Variants in KCNK5 observed in about 807,000 individuals in gnomAD.
KCNK5 encodes potassium channel subfamily K member 5.
A neutral mutation model predicts 32.9 loss-of-function variants in KCNK5; 18 were observed. The observed-to-expected ratio is 0.55, with a 90% CI of 0.38 to 0.81. The LOEUF is 0.81. Among genes scored for constraint, KCNK5 ranks in the 30% least tolerant of loss-of-function variants. The pLI is 0.00. For synonymous variants in KCNK5, 276 were observed against 275.3 expected (o/e 1.00, Z -0.03); for missense variants, 507 against 651.0 (o/e 0.78, Z 2.41).
At position 39,194,704 on chromosome 6, in the gene KCNK5, C is replaced by G; in HGVS notation, c.355G>C (p.Gly119Arg). 1 of 1,614,090 alleles carries G rather than the reference C, an allele frequency of 6.2e-7. No homozygotes were observed. Among genetic ancestry groups the G allele is most frequent in the Non-Finnish European group, 8.5e-7 (1 of 1,180,028 alleles). ...AGGCAGAGCGGCACCCCGAAGAGAC[C>G]ATAGAAAACACAGAAGAGGCGACCG... is the stretch of plus-strand genomic sequence containing the variant. ...PAGRLFCVFY[G>R]LFGVPLCLTW... Residue 119 changes from glycine (G) to arginine (R), a missense_variant, in exon 3 of 5, where the codon GGT (glycine) becomes CGT (arginine). By Grantham distance (125) the Gly-to-Arg change is moderately radical (BLOSUM62 -2). This residue lies in a region of KCNK5 where 143 missense variants were observed against 219.1 expected (regional missense o/e 0.65). Transcript: ENST00000359534. The surrounding 1 kb of genome is among the most constrained non-coding windows in gnomAD (Gnocchi z 4.7).
rs576004091 is a variant in KCNK5, at chr6:39,202,113, C to G, written c.187-6126G>C. Reference sequence around the variant, plus strand: ...TGTTTTGTTTTTCACTGATGTATTCCCCAAACTTAGAACACTGCCTAGCAC... The same window carrying G: ...TGTTTTGTTTTTCACTGATGTATTCGCCAAACTTAGAACACTGCCTAGCAC... On this transcript the variant is annotated intron_variant, in intron 1 of 4. Transcript: ENST00000359534. 1.7e-3 allele frequency among the ~76,000 whole-genome samples: 262 copies of G among 152,208 alleles called. 1 individual carries two copies. The highest frequency in any genetic ancestry group is 3.3e-3 in the Non-Finnish European group (222 of 68,012).
At chr6:39,227,988 C>A (rs1240864852) in intron 1 of KCNK5, among the ~76,000 whole-genome samples, 1 of 152,044 alleles carries the variant, frequency 6.6e-6, no homozygotes, top group Non-Finnish European at 1.5e-5. Flanking sequence ...GGGAGCAGGC[C>A]AAGAAGAGTT....
chr6:39,194,851 T>C lies in KCNK5; in HGVS notation c.299-91A>G. On this transcript the variant is annotated intron_variant, in intron 2 of 4. Transcript: ENST00000359534. The surrounding 1 kb of genome is among the most constrained non-coding windows in gnomAD (Gnocchi z 4.7). ...CACACACACAGCCCGTTCTCTAAGATAAATTGATATTGATCTATTGTCAGT... is the reference window on the plus strand; with the variant it reads ...CACACACACAGCCCGTTCTCTAAGACAAATTGATATTGATCTATTGTCAGT... 9.5e-7 allele frequency: 1 copy of C among 1,047,988 alleles called. No homozygotes were observed. The highest frequency in any genetic ancestry group is 1.5e-6 in the Non-Finnish European group (1 of 689,638). The allele number at this position is 1,047,988 out of a possible 1,614,324, so 64.9% of individuals were successfully genotyped here. A position where few individuals can be genotyped will look rare whatever the true frequency, so the allele number is the denominator to read the frequency against.
chr6:39,228,043 G>C (rs867046853), intron 1 of KCNK5, among the ~76,000 whole-genome samples: 1 of 152,116 alleles, frequency 6.6e-6, no homozygotes, highest in African/African-American at 2.4e-5. Context: ...AGAGGGCCTC[G>C]GTCCCCAAAT....
chr6:39,198,969 A>G (rs1030422610), intron 1 of KCNK5, among the ~76,000 whole-genome samples: 9 of 152,198 alleles, frequency 5.9e-5, no homozygotes, highest in African/African-American at 2.2e-4. Context: ...CTGGGGTGGT[A>G]GTGCCTTTTG....
chr6:39,208,405 G>C (rs114368763), intron 1 of KCNK5, among the ~76,000 whole-genome samples: 46 of 152,112 alleles, frequency 3.0e-4, no homozygotes, highest in Non-Finnish European at 5.7e-4. Flanking sequence ...ATCCACCCAC[G>C]GCCTCTGAGC....
At chr6:39,203,557 G>A (rs939357051) in intron 1 of KCNK5, among the ~76,000 whole-genome samples, 3 of 152,280 alleles carry the variant, frequency 2.0e-5, no homozygotes, top group Middle Eastern at 3.4e-3. Context: ...CCTGGCAGCC[G>A]CCAGTACCTC....
chr6:39,192,921 G>A (rs940416584), intron 4 of KCNK5, among the ~76,000 whole-genome samples: 2 of 152,166 alleles, frequency 1.3e-5, no homozygotes, highest in Non-Finnish European at 2.9e-5. Context: ...TCCAGGTGCT[G>A]TAGCCCGGTC....
intron 1 of KCNK5, among the ~76,000 whole-genome samples, chr6:39,199,370 T>C (rs2561431): frequency 0.27 from 41,706 of 152,084 alleles, 6,005 homozygotes; most frequent in East Asian, 0.55. Flanking sequence ...ACCCCACTGA[T>C]GGTGTGCCCT....
intron 4 of KCNK5, among the ~76,000 whole-genome samples, chr6:39,193,803 G>C (rs566495051): frequency 6.6e-5 from 10 of 152,300 alleles, no homozygotes; most frequent in African/African-American, 1.9e-4. Context: ...GGGTGCTGGT[G>C]GGCTCAGGGG....
chr6:39,194,438 G>C lies in KCNK5; in HGVS notation c.466-101C>G. ...GAGGCAGCTAGAGGAGAAGCTAGCT[G>C]GGTACCCAGCCTGACCCGGGAGGGC... On this transcript the variant is annotated intron_variant, in intron 3 of 4. Coordinates refer to ENST00000359534, the MANE Select transcript of KCNK5 (RefSeq NM_003740.4). This position sits in a 1 kb window ranked among gnomAD's most constrained non-coding sequence, Gnocchi z 4.7. The C allele has an allele frequency of 6.9e-7, 1 of 1,450,936 alleles. No individual in the cohort carries two copies. The highest frequency in any genetic ancestry group is 9.4e-7 in the Non-Finnish European group (1 of 1,068,292). 89.9% of individuals were successfully genotyped at this position (1,450,936 alleles called of 1,614,324 possible). A position where few individuals can be genotyped will look rare whatever the true frequency, so the allele number is the denominator to read the frequency against.
At chr6:39,216,741 C>A (rs957598389) in intron 1 of KCNK5, among the ~76,000 whole-genome samples, 7 of 152,216 alleles carry the variant, frequency 4.6e-5, no homozygotes, top group African/African-American at 1.4e-4. Context: ...GGCTGTCATG[C>A]GGGGCTGGTG....
intron 1 of KCNK5, among the ~76,000 whole-genome samples, chr6:39,206,814 T>A (rs1225140694): frequency 6.6e-6 from 1 of 152,004 alleles, no homozygotes; most frequent in Non-Finnish European, 1.5e-5. Flanking sequence ...AAAACAAGAG[T>A]CATGGCTTCA....
intron 1 of KCNK5, among the ~76,000 whole-genome samples, chr6:39,209,483 T>C (rs1436231123): frequency 6.6e-6 from 1 of 151,992 alleles, no homozygotes; most frequent in Non-Finnish European, 1.5e-5. Flanking sequence ...TATGGAAAAA[T>C]ACTGCCAGGC....
intron 1 of KCNK5, among the ~76,000 whole-genome samples, chr6:39,201,422 T>C (rs1771132279): frequency 6.6e-6 from 1 of 152,108 alleles, no homozygotes; most frequent in African/African-American, 2.4e-5. Context: ...CAGCTAATTT[T>C]GTATTTTTAG....
intron 4 of KCNK5, among the ~76,000 whole-genome samples, chr6:39,193,829 G>T (rs963644684): frequency 6.6e-6 from 1 of 152,160 alleles, no homozygotes; most frequent in African/African-American, 2.4e-5. Flanking sequence ...TGGGTAGCAG[G>T]TACCAACCGT....
Position 39,194,560 on chromosome 6 carries a change from C to T in KCNK5, c.465+34G>A. ...CTCCCCTCACCTGTCATGGTTCCCC[C>T]ATCTCTGCCCAACACCCAGGGTAGG... On this transcript the variant is annotated intron_variant, in intron 3 of 4. Coordinates refer to ENST00000359534, the MANE Select transcript of KCNK5 (RefSeq NM_003740.4). The surrounding 1 kb of genome is among the most constrained non-coding windows in gnomAD (Gnocchi z 4.7). 4 of 1,609,550 alleles carry T rather than the reference C, an allele frequency of 2.5e-6. No homozygotes were observed. Among genetic ancestry groups the T allele is most frequent in the Non-Finnish European group, 3.4e-6 (4 of 1,176,644 alleles).
rs1271941020 is a variant in KCNK5, at chr6:39,198,507, A to G, written c.187-2520T>C. On this transcript the variant is annotated intron_variant, in intron 1 of 4. Coordinates refer to ENST00000359534, the MANE Select transcript of KCNK5 (RefSeq NM_003740.4). ...CTGGATATAGGGGCCAAAATCAACAACATACAAGTATCCACTTAAATGTTT... is the reference window on the plus strand; with the variant it reads ...CTGGATATAGGGGCCAAAATCAACAGCATACAAGTATCCACTTAAATGTTT... 2.0e-5 allele frequency among the ~76,000 whole-genome samples: 3 copies of G among 152,222 alleles called. 1 individual carries two copies. Among genetic ancestry groups the G allele is most frequent in the Non-Finnish European group, 4.4e-5 (3 of 68,038 alleles).
In KCNK5 at chr6:39,191,610, C is replaced by T; in HGVS notation, c.780G>A (p.Arg260=). ...TCTCAAAGGACTCCTTCCGTCGCCG[C>T]CGCCGCTTCTTAATGGCTTTGTGGA... The part of the protein sequence containing the change: ...VEVHKAIKKR[R]RRRKESFESS... Residue 260 remains arginine, a synonymous_variant, in exon 5 of 5, where the codon CGG becomes CGA. Coordinates refer to ENST00000359534, the MANE Select transcript of KCNK5 (RefSeq NM_003740.4). This position sits in a 1 kb window ranked among gnomAD's most constrained non-coding sequence, Gnocchi z 5.8. 1.2e-6 allele frequency: 2 copies of T among 1,614,034 alleles called. No individual in the cohort carries two copies.
Sources: gnomAD v4.1 joint callset for allele counts (sites outside exome capture counted in the v4.1 genomes callset) on GRCh38, gnomAD v4.1.1 for gene constraint, gnomAD v4.1.1 regional missense constraint, Gnocchi (gnomAD v3.1) non-coding constraint, MANE v1.5 for transcripts, NCBI Gene and HGNC (gene_info 2026-07-23, HGNC 2026-07-21) for gene names.